HIP1: variants seen among roughly 807,000 people sequenced by gnomAD.
The protein encoded by HIP1 is huntingtin interacting protein 1, also known as huntingtin-interacting protein 1.
Under a neutral mutation model 147.6 loss-of-function variants are expected in HIP1, and 65 were observed. That is an observed-to-expected ratio of 0.44 (90% CI 0.36 to 0.54). The LOEUF (loss-of-function observed/expected upper bound fraction) is 0.54, where lower values mean the gene tolerates loss of function less well. HIP1 is among the 20% of genes least tolerant of loss of function. The pLI is 0.00. For synonymous variants in HIP1, 479 were observed against 504.0 expected (o/e 0.95, Z 0.67); for missense variants, 1,061 against 1,299.6 (o/e 0.82, Z 2.82).
At chr7:75,689,205 TAAAATATATTTA>T (rs1800364836) in intron 1 of HIP1, among the ~76,000 whole-genome samples, 1 of 151,226 alleles carries the variant, frequency 6.6e-6, no homozygotes, top group South Asian at 2.1e-4. Context: ...TAAAAAAATT[TAAAATATATTTA>T]AAAATAGGCC....
intron 1 of HIP1, among the ~76,000 whole-genome samples, chr7:75,607,371 G>A (rs1292502349): frequency 1.3e-5 from 2 of 151,056 alleles, no homozygotes; most frequent in Non-Finnish European, 2.9e-5. Context: ...TGGGATTGCA[G>A]GTGCACACCA....
At position 75,556,013 on chromosome 7, in the gene HIP1, G is replaced by A. The variant is rs1208249899; in HGVS notation, c.1827+13C>T. On this transcript the variant is annotated intron_variant, in intron 18 of 30. Coordinates refer to ENST00000336926, the MANE Select transcript of HIP1 (RefSeq NM_005338.7). ...TTCACAGGTGCTCGCTCGTGTCCAT[G>A]TCCGTGACTTGCCTCTGTGCTGGCC... 24 of 1,613,618 alleles carry A rather than the reference G, an allele frequency of 1.5e-5. No homozygotes were observed. Among genetic ancestry groups the A allele is most frequent in the Non-Finnish European group, 2.0e-5 (24 of 1,179,784 alleles).
rs550721046 is a variant in HIP1, at chr7:75,701,548, A to T, written c.120+37253T>A. Among the ~76,000 whole-genome samples the T allele has an allele frequency of 2.1e-3, 327 of 152,210 alleles. 1 individual carries two copies. The highest frequency in any genetic ancestry group is 3.9e-3 in the Admixed American group (59 of 15,266). On this transcript the variant is annotated intron_variant, in intron 1 of 30. Coordinates refer to ENST00000336926, the MANE Select transcript of HIP1 (RefSeq NM_005338.7). ...ACATAGTGAGACCCATATCTATTTT[A>T]AAAAATGTTTTTTAAATTAAGCTGG...
At chr7:75,580,584 T>C (rs587717874) in intron 7 of HIP1, among the ~76,000 whole-genome samples, 2 of 152,052 alleles carry the variant, frequency 1.3e-5, no homozygotes, top group African/African-American at 2.4e-5. Flanking sequence ...GCAAAAAATA[T>C]AAAAAATCAG....
At chr7:75,566,489 A>G (rs1795406662) in intron 9 of HIP1, among the ~76,000 whole-genome samples, 1 of 151,552 alleles carries the variant, frequency 6.6e-6, no homozygotes, top group Non-Finnish European at 1.5e-5. Flanking sequence ...AGAAATTTCT[A>G]GAAAAAAAGT....
chr7:75,651,577 C>A (rs1305865978), intron 1 of HIP1, among the ~76,000 whole-genome samples: 1 of 151,024 alleles, frequency 6.6e-6, no homozygotes, highest in African/African-American at 2.4e-5. Flanking sequence ...TACATCAGAA[C>A]CCCAAGTTCA....
At chr7:75,705,592 T>A (rs1205475710) in intron 1 of HIP1, among the ~76,000 whole-genome samples, 1 of 152,120 alleles carries the variant, frequency 6.6e-6, no homozygotes, top group African/African-American at 2.4e-5. Context: ...TGACCTCAGA[T>A]GATCTGCCCG....
chr7:75,586,050 G>A (rs1276087695), intron 5 of HIP1, among the ~76,000 whole-genome samples: 11 of 151,978 alleles, frequency 7.2e-5, no homozygotes, highest in Admixed American at 5.2e-4. Flanking sequence ...CTGGTCTTAA[G>A]CGATCCTCCA....
chr7:75,581,979 G>A (rs587773578), intron 6 of HIP1, 96 bp downstream of exon 6: 7 of 999,370 alleles, frequency 7.0e-6, no homozygotes, highest in African/African-American at 4.8e-5. Flanking sequence ...TCCCAGCCAC[G>A]GCCTCCCCCC....
intron 7 of HIP1, among the ~76,000 whole-genome samples, chr7:75,576,216 C>T (rs587601037): frequency 1.3e-5 from 2 of 152,306 alleles, no homozygotes; most frequent in Admixed American, 6.5e-5. Flanking sequence ...GTGCATACCT[C>T]GTAAGGGTCT....
chr7:75,584,508 C>T (rs187059987), intron 5 of HIP1, among the ~76,000 whole-genome samples: 1 of 152,290 alleles, frequency 6.6e-6, no homozygotes, highest in African/African-American at 2.4e-5. Context: ...GCAGTGAGCT[C>T]GAGAGCCTCT....
intron 1 of HIP1, among the ~76,000 whole-genome samples, chr7:75,632,047 G>A (rs955650728): frequency 6.6e-6 from 1 of 152,172 alleles, no homozygotes; most frequent in African/African-American, 2.4e-5. Flanking sequence ...AGGGGCCTCC[G>A]AAGACAGGTG....
At chr7:75,672,568 T>G (rs1401841265) in intron 1 of HIP1, among the ~76,000 whole-genome samples, 1 of 152,214 alleles carries the variant, frequency 6.6e-6, no homozygotes, top group Non-Finnish European at 1.5e-5. Flanking sequence ...GCTCCAGTGA[T>G]CTGCCTCCCT....
chr7:75,677,864 A>G (rs1436594801), intron 1 of HIP1, among the ~76,000 whole-genome samples: 3 of 151,868 alleles, frequency 2.0e-5, no homozygotes, highest in South Asian at 2.1e-4. Flanking sequence ...CCTCTTTCCT[A>G]TGATCTCTGC....
chr7:75,631,216 C>T (rs117762358), intron 1 of HIP1, among the ~76,000 whole-genome samples: 6,369 of 152,082 alleles, frequency 0.042, 126 homozygotes, highest in African/African-American at 0.056. Context: ...TCAAGTGATC[C>T]TCCCGCCTTA....
At chr7:75,544,097 G>T (rs587728168) in intron 27 of HIP1, among the ~76,000 whole-genome samples, 1 of 151,172 alleles carries the variant, frequency 6.6e-6, no homozygotes, top group Non-Finnish European at 1.5e-5. Flanking sequence ...ACTTGAACCC[G>T]GGAGGCAGAG....
chr7:75,681,874 T>A (rs1024555085), intron 1 of HIP1, among the ~76,000 whole-genome samples: 1 of 151,998 alleles, frequency 6.6e-6, no homozygotes, highest in African/African-American at 2.4e-5. Context: ...GCCAGACACA[T>A]GAAGGTGGCA....
chr7:75,631,509 G>A (rs587603383), intron 1 of HIP1, among the ~76,000 whole-genome samples: 1 of 152,220 alleles, frequency 6.6e-6, no homozygotes, highest in African/African-American at 2.4e-5. Context: ...AGGGGACAGG[G>A]CTGTGGAGTC....
chr7:75,539,250 C>T (rs1554489358), intron 30 of HIP1, 73 bp downstream of exon 30: 1 of 1,077,394 alleles, frequency 9.3e-7, no homozygotes, highest in Non-Finnish European at 1.4e-6. Flanking sequence ...CTGTTCCATT[C>T]TAGGGGAAGG....
Sources: allele counts gnomAD v4.1 joint callset (sites outside exome capture counted in the v4.1 genomes callset), GRCh38; gene constraint gnomAD v4.1.1; transcripts MANE v1.5; gene names NCBI Gene and HGNC (gene_info 2026-07-23, HGNC 2026-07-21).